The following RBPJ variants were observed in gnomAD, a reference collection of about 807,000 sequenced individuals.
The protein encoded by RBPJ is recombination signal binding protein for immunoglobulin kappa J region.
A neutral mutation model predicts 67.8 loss-of-function variants in RBPJ; 9 were observed. The observed-to-expected ratio is 0.13, with a 90% CI of 0.08 to 0.23. The LOEUF (loss-of-function observed/expected upper bound fraction) is 0.23, where lower values mean the gene tolerates loss of function less well. Ranked by LOEUF, RBPJ falls within the 10% of genes least tolerant of loss-of-function variation. RBPJ has a pLI of 1.00. For missense variants in RBPJ, 305 were observed against 595.6 expected, an observed-to-expected ratio of 0.51 and a Z score of 5.08; for synonymous variants, 198 against 203.3, an observed-to-expected ratio of 0.97 and a Z score of 0.22.
At chr4:26,271,120 G>T (rs1446411620) in intron 1 of RBPJ, among the ~76,000 whole-genome samples, 1 of 151,988 alleles carries the variant, frequency 6.6e-6, no homozygotes, top group Admixed American at 6.6e-5. Context: ...TTCCCAGGCT[G>T]GTCTCAAACT....
chr4:26,275,683 T>G (rs1721055413), intron 1 of RBPJ, among the ~76,000 whole-genome samples: 1 of 152,120 alleles, frequency 6.6e-6, no homozygotes, highest in Non-Finnish European at 1.5e-5. Flanking sequence ...CAGGCTGGAG[T>G]GCAGTAGCGC....
chr4:26,244,253 A>ATACACACATATGTG (rs1719775342), intron 1 of RBPJ, among the ~76,000 whole-genome samples: 1 of 4,468 alleles, frequency 2.2e-4, no homozygotes, highest in Non-Finnish European at 5.7e-4. Context: ...ATGTGTACAC[A>ATACACACATATGTG]TACACATATG....
At chr4:26,275,253 C>T (rs1577379823) in intron 1 of RBPJ, among the ~76,000 whole-genome samples, 1 of 152,308 alleles carries the variant, frequency 6.6e-6, no homozygotes, top group Non-Finnish European at 1.5e-5. Context: ...TAGACCAAAG[C>T]CTGGTAATTT....
At chr4:26,254,688 AT>A (rs1307436810) in intron 1 of RBPJ, among the ~76,000 whole-genome samples, 1 of 146,456 alleles carries the variant, frequency 6.8e-6, no homozygotes, top group Admixed American at 6.7e-5. Flanking sequence ...ATTTTTAATT[AT>A]TTTTTTAAGA....
intron 1 of RBPJ, among the ~76,000 whole-genome samples, chr4:26,286,203 G>T (rs1250655847): frequency 6.6e-6 from 1 of 152,176 alleles, no homozygotes; most frequent in Admixed American, 6.5e-5. Context: ...TGTGGGCTGG[G>T]CATGATGACT....
At chr4:26,259,498 G>A (rs927885949) in intron 1 of RBPJ, among the ~76,000 whole-genome samples, 3 of 152,144 alleles carry the variant, frequency 2.0e-5, no homozygotes, top group African/African-American at 7.2e-5. Flanking sequence ...TTGTCTTCAG[G>A]ATTGTACTGG....
chr4:26,193,461 TC>T (rs1032786653), intron 1 of RBPJ, among the ~76,000 whole-genome samples: 3 of 152,202 alleles, frequency 2.0e-5, no homozygotes, highest in African/African-American at 7.2e-5. Flanking sequence ...TATGAAAATT[TC>T]CCCTTTCTTC....
intron 1 of RBPJ, chr4:26,359,902 AG>A (rs1727861559): frequency 6.6e-6 from 1 of 152,244 alleles, no homozygotes; most frequent in African/African-American, 2.4e-5. Context: ...CTTTAGCAGT[AG>A]TTTGCTAGCA....
rs527887208 is a variant in RBPJ, at chr4:26,415,457, T to TC, written c.156-14dup. On this transcript the variant is annotated splice_polypyrimidine_tract_variant and intron_variant, in intron 3 of 10. Transcript: ENST00000355476. ...GATTTTTGCTTCTTGTTTTTTTTTT[T>TC]CCCCTATTATTCTTCAGGTTTTTTT... 4,753 of 1,546,936 alleles carry TC rather than the reference T, an allele frequency of 3.1e-3. 5 individuals carry two copies. The highest frequency in any genetic ancestry group is 3.1e-3 in the Non-Finnish European group (3,607 of 1,147,714).
intron 1 of RBPJ, among the ~76,000 whole-genome samples, chr4:26,282,473 A>C (rs1052260132): frequency 1.3e-5 from 2 of 152,156 alleles, no homozygotes; most frequent in Non-Finnish European, 2.9e-5. Context: ...AGATCTAAGA[A>C]ATTTAAATTA....
At chr4:26,120,182 G>A in the RBPJ span, among the ~76,000 whole-genome samples, 7 of 152,264 alleles carry the variant, frequency 4.6e-5, no homozygotes, top group East Asian at 3.9e-4. Context: ...CATAGACTCC[G>A]TCTCTCAAAA....
chr4:26,217,073 G>A (rs193195121), intron 1 of RBPJ, among the ~76,000 whole-genome samples: 99 of 152,276 alleles, frequency 6.5e-4, no homozygotes, highest in African/African-American at 2.3e-3. Flanking sequence ...ACATGGAGGT[G>A]GTTTGGACTA....
chr4:26,126,997 T>C, the RBPJ span, among the ~76,000 whole-genome samples: 6 of 152,348 alleles, frequency 3.9e-5, no homozygotes, highest in Admixed American at 2.6e-4. Flanking sequence ...CTAGTCTTGA[T>C]GAAGGATTCA....
chr4:26,166,668 T>C (rs1356289218), intron 1 of RBPJ, among the ~76,000 whole-genome samples: 2 of 151,996 alleles, frequency 1.3e-5, no homozygotes, highest in Non-Finnish European at 2.9e-5. Context: ...TTTTGTAGGT[T>C]GCCTGCTCAC....
At chr4:26,350,036 C>G (rs1479568030) in intron 1 of RBPJ, among the ~76,000 whole-genome samples, 1 of 152,168 alleles carries the variant, frequency 6.6e-6, no homozygotes, top group African/African-American at 2.4e-5. Context: ...AAGACAGAGA[C>G]CTTGTCTTTT....
At chr4:26,387,388 A>G (rs1731024331) in intron 2 of RBPJ, among the ~76,000 whole-genome samples, 1 of 152,178 alleles carries the variant, frequency 6.6e-6, no homozygotes, top group Non-Finnish European at 1.5e-5. Context: ...TGAGATAATT[A>G]ATCTCAGGAT....
intron 1 of RBPJ, among the ~76,000 whole-genome samples, chr4:26,175,767 C>T (rs1716774566): frequency 1.3e-5 from 2 of 152,164 alleles, no homozygotes; most frequent in Admixed American, 1.3e-4. Flanking sequence ...TGAAGGTGTC[C>T]GTGAGGCAGA....
At chr4:26,200,419 A>G (rs1717941595) in intron 1 of RBPJ, among the ~76,000 whole-genome samples, 1 of 152,196 alleles carries the variant, frequency 6.6e-6, no homozygotes. Context: ...CTGTTATCTC[A>G]GAACTTTGGG....
chr4:26,269,767 A>C (rs1263563543), intron 1 of RBPJ, among the ~76,000 whole-genome samples: 1 of 152,170 alleles, frequency 6.6e-6, no homozygotes. Context: ...GGGTATGGGC[A>C]GAATAATTTG....
Sources: allele counts gnomAD v4.1 joint callset (sites outside exome capture counted in the v4.1 genomes callset), GRCh38; gene constraint gnomAD v4.1.1; transcripts MANE v1.5; gene names NCBI Gene and HGNC (gene_info 2026-07-23, HGNC 2026-07-21).